The following THSD4 variants were observed in gnomAD, a reference collection of about 807,000 sequenced individuals.
The protein encoded by THSD4 is thrombospondin type-1 domain-containing protein 4.
THSD4 carries 69 observed loss-of-function variants against 119.0 expected under a neutral mutation model. The ratio of observed to expected loss-of-function variants is 0.58; its 90% confidence interval spans 0.48 to 0.71. The LOEUF is 0.71. THSD4 is among the 30% of genes least tolerant of loss of function. The probability of loss-of-function intolerance (pLI) is 0.00; values close to 1 mark genes in which losing one functional copy is unlikely to be tolerated. For synonymous variants in THSD4, 524 were observed against 540.4 expected, an observed-to-expected ratio of 0.97 and a Z score of 0.42; for missense variants, 1,393 against 1,391.1, an observed-to-expected ratio of 1.00 and a Z score of -0.02.
rs542530038 is a variant in THSD4, at chr15:71,097,725, TATA to T, written c.-80+720_-80+722del. ...AGAAAGATGTATATATATATATATA[TATA>T]TTTTTTTTTTTAAGTCCAAAGCAAA... On this transcript the variant is annotated intron_variant, in intron 1 of 17. Transcript: ENST00000355327. Among the ~76,000 whole-genome samples, 395 of 132,424 alleles carry T rather than the reference TATA, an allele frequency of 3.0e-3. 2 individuals are homozygous for T. The highest frequency in any genetic ancestry group is 0.01 in the African/African-American group (363 of 35,252). The allele number at this position is 132,424 out of a possible 152,430, so 86.9% of individuals were successfully genotyped here. A position where few individuals can be genotyped will look rare whatever the true frequency, so the allele number is the denominator to read the frequency against.
intron 4 of THSD4, among the ~76,000 whole-genome samples, chr15:71,225,708 A>G (rs1255211718): frequency 6.6e-6 from 1 of 151,590 alleles, no homozygotes; most frequent in East Asian, 2.0e-4. Flanking sequence ...ACACTCAGCA[A>G]ATGTTTGTTT....
intron 5 of THSD4, among the ~76,000 whole-genome samples, 177 bp downstream of exon 5, chr15:71,243,273 T>C (rs2044170884): frequency 6.6e-6 from 1 of 152,190 alleles, no homozygotes; most frequent in South Asian, 2.1e-4. Context: ...GTTTTCTTTT[T>C]TTTTTTTTAA....
In THSD4 at chr15:71,259,264, C is replaced by T. The variant is rs148143277; in HGVS notation, c.1015+2549C>T. Among the ~76,000 whole-genome samples the T allele has an allele frequency of 3.7e-4, 56 of 152,254 alleles. No individual in the cohort carries two copies. The Middle Eastern group carries it at 0.01, about 28-fold the overall frequency. On this transcript the variant is annotated intron_variant, in intron 6 of 17. Coordinates refer to ENST00000261862, the MANE Select transcript of THSD4 (RefSeq NM_024817.3). ...GCAGCCACCAAGAGCTAGGCAGAGA[C>T]AAGGAAGCATCCTTGCCTAGAGCCT...
chr15:71,196,488 C>A (rs934592014), intron 3 of THSD4, among the ~76,000 whole-genome samples: 1 of 151,930 alleles, frequency 6.6e-6, no homozygotes, highest in Non-Finnish European at 1.5e-5. Context: ...GATAACTGAC[C>A]AGGTTGGAGG....
intron 8 of THSD4, among the ~76,000 whole-genome samples, chr15:71,695,653 G>A (rs2052150716): frequency 1.3e-5 from 2 of 152,030 alleles, no homozygotes; most frequent in East Asian, 3.9e-4. Flanking sequence ...AGGTAAGAAG[G>A]TAGCCTGAGT....
intron 7 of THSD4, among the ~76,000 whole-genome samples, chr15:71,581,660 A>G (rs145194099): frequency 1.3e-5 from 2 of 152,216 alleles, no homozygotes; most frequent in Non-Finnish European, 2.9e-5. Context: ...TTCAGATCTT[A>G]CACAATTCAG....
intron 7 of THSD4, among the ~76,000 whole-genome samples, chr15:71,632,231 C>G (rs1156885423): frequency 6.6e-6 from 1 of 152,128 alleles, no homozygotes; most frequent in African/African-American, 2.4e-5. Context: ...AAATCTGACC[C>G]CTTCTTCCCA....
chr15:71,402,498 G>T (rs939057294), intron 6 of THSD4, among the ~76,000 whole-genome samples: 3 of 152,168 alleles, frequency 2.0e-5, no homozygotes, highest in African/African-American at 7.2e-5. Flanking sequence ...ACCTGTGATG[G>T]ATGTGGGAGG....
intron 6 of THSD4, among the ~76,000 whole-genome samples, chr15:71,382,660 C>G (rs1462398845): frequency 6.6e-6 from 1 of 152,072 alleles, no homozygotes. Flanking sequence ...CTTATTATAT[C>G]TAGTTTTAAT....
intron 6 of THSD4, among the ~76,000 whole-genome samples, chr15:71,351,757 G>A (rs1002074705): frequency 6.6e-6 from 1 of 152,148 alleles, no homozygotes; most frequent in Non-Finnish European, 1.5e-5. Flanking sequence ...GATTGGACTT[G>A]AAAACAACAT....
intron 6 of THSD4, among the ~76,000 whole-genome samples, chr15:71,399,596 C>T (rs376440202): frequency 6.6e-6 from 1 of 152,318 alleles, no homozygotes; most frequent in East Asian, 1.9e-4. Context: ...GCAGTGCATT[C>T]CCAGGGTGTC....
intron 7 of THSD4, among the ~76,000 whole-genome samples, chr15:71,493,938 C>T (rs1297739500): frequency 6.6e-6 from 1 of 152,176 alleles, no homozygotes; most frequent in Non-Finnish European, 1.5e-5. Flanking sequence ...CCTGGGTGGC[C>T]CCAGGACTGG....
At chr15:71,401,791 A>T (rs1378336326) in intron 6 of THSD4, among the ~76,000 whole-genome samples, 1 of 152,158 alleles carries the variant, frequency 6.6e-6, no homozygotes, top group Non-Finnish European at 1.5e-5. Flanking sequence ...TACTATAAAG[A>T]CATATGCACA....
chr15:71,139,024 A>G (rs1415679921), intron 1 of THSD4, among the ~76,000 whole-genome samples: 3 of 149,970 alleles, frequency 2.0e-5, no homozygotes, highest in Admixed American at 6.7e-5. Flanking sequence ...AAGGTCAGCT[A>G]GTTAATAAAT....
At position 71,355,649 on chromosome 15, in the gene THSD4, T is replaced by C. The variant is rs867069915; in HGVS notation, c.1016-56038T>C. ...TTAGGAGAGGAAAGAGGCTGCAGGC[T>C]TGGCCCCTGCTCAGCGGAGAACATG... On this transcript the variant is annotated intron_variant, in intron 6 of 17. Coordinates refer to ENST00000261862, the MANE Select transcript of THSD4 (RefSeq NM_024817.3). 2.9e-4 allele frequency among the ~76,000 whole-genome samples: 44 copies of C among 152,266 alleles called. 1 individual carries two copies. The South Asian group carries it at 3.1e-3, about 11-fold the overall frequency.
At chr15:71,300,244 T>C (rs570012126) in intron 6 of THSD4, among the ~76,000 whole-genome samples, 6 of 151,768 alleles carry the variant, frequency 4.0e-5, no homozygotes, top group Non-Finnish European at 8.8e-5. Context: ...AAAAATAATG[T>C]GTTTAAGGGG....
chr15:71,185,809 G>A (rs144864745), intron 3 of THSD4: 2 of 152,192 alleles, frequency 1.3e-5, no homozygotes, highest in African/African-American at 2.4e-5. Flanking sequence ...GAGATATGCT[G>A]GTGATGTACC....
intron 7 of THSD4, among the ~76,000 whole-genome samples, chr15:71,643,523 C>T (rs1013990837): frequency 6.6e-6 from 1 of 152,134 alleles, no homozygotes; most frequent in African/African-American, 2.4e-5. Flanking sequence ...CATGTGTTCT[C>T]ATCATTTAGT....
intron 7 of THSD4, among the ~76,000 whole-genome samples, chr15:71,587,805 A>G (rs867943647): frequency 6.3e-5 from 8 of 127,420 alleles, no homozygotes; most frequent in Non-Finnish European, 9.4e-5. Context: ...AAAAAGAAAA[A>G]AAAAAAAGAA....
Sources: gnomAD v4.1 joint callset for allele counts (sites outside exome capture counted in the v4.1 genomes callset) on GRCh38, gnomAD v4.1.1 for gene constraint, MANE v1.5 for transcripts, NCBI Gene and HGNC (gene_info 2026-07-23, HGNC 2026-07-21) for gene names.